Variants in KANK1 observed in about 807,000 individuals in gnomAD.
The protein encoded by KANK1 is KN motif and ankyrin repeat domains 1.
In KANK1, 109 loss-of-function variants were observed where a neutral mutation model predicts 106.2. The ratio of observed to expected loss-of-function variants is 1.03; its 90% CI spans 0.88 to 1.20. KANK1 has a LOEUF of 1.20. Ranked by LOEUF, KANK1 falls within the 50% of genes most tolerant of loss-of-function variation. The pLI is 0.00. For missense variants in KANK1, 2,399 were observed against 1,710.7 expected, an observed-to-expected ratio of 1.40 and a Z score of -7.10; for synonymous variants, 873 against 652.2, an observed-to-expected ratio of 1.34 and a Z score of -5.16.
intron 1 of KANK1, among the ~76,000 whole-genome samples, chr9:556,134 A>C (rs1450479736): frequency 6.6e-6 from 1 of 152,220 alleles, no homozygotes; most frequent in East Asian, 1.9e-4. Flanking sequence ...ATTGTAACTG[A>C]ATACAGAAGC....
At chr9:666,694 A>T (rs933047830) in intron 1 of KANK1, among the ~76,000 whole-genome samples, 1 of 152,156 alleles carries the variant, frequency 6.6e-6, no homozygotes, top group Non-Finnish European at 1.5e-5. Context: ...ACTTATTGAA[A>T]TGATCATATG....
chr9:678,498 G>A (rs1816848604), intron 2 of KANK1, among the ~76,000 whole-genome samples: 1 of 152,120 alleles, frequency 6.6e-6, no homozygotes, highest in Admixed American at 6.5e-5. Flanking sequence ...GGAGGCCGAG[G>A]GGGATGGATC....
At chr9:707,103 G>A in intron 2 of KANK1, 1 of 985,482 alleles carries the variant, frequency 1.0e-6, no homozygotes, top group Non-Finnish European at 1.2e-6. Flanking sequence ...TATGGCATCC[G>A]AGCGTGGCCG....
chr9:559,160 T>A (rs1815701388), intron 1 of KANK1, among the ~76,000 whole-genome samples: 2 of 152,232 alleles, frequency 1.3e-5, no homozygotes, highest in South Asian at 4.1e-4. Context: ...TCCCAAAGAT[T>A]TGTCACCTTC....
intron 2 of KANK1, among the ~76,000 whole-genome samples, chr9:472,712 A>G (rs768973481): frequency 1.2e-4 from 18 of 152,230 alleles, no homozygotes; most frequent in Non-Finnish European, 1.6e-4. Context: ...GGATTAGTGT[A>G]AAAGGAAATG....
At chr9:729,555 G>T (rs1013859577) in intron 3 of KANK1, among the ~76,000 whole-genome samples, 1 of 152,230 alleles carries the variant, frequency 6.6e-6, no homozygotes, top group Non-Finnish European at 1.5e-5. Flanking sequence ...CAGTAAGGAC[G>T]ACAGGAGGAG....
rs930448000 is a variant in KANK1, at chr9:547,477, A to G, written c.-84+42723A>G. The G allele has an allele frequency of 3.5e-5, 5 of 143,196 alleles. 1 individual carries two copies. Among genetic ancestry groups the G allele is most frequent in the Admixed American group, 2.8e-4 (4 of 14,344 alleles). The allele number at this position is 143,196 out of a possible 1,614,324, so 8.9% of individuals were successfully genotyped here. A position where few individuals can be genotyped will look rare whatever the true frequency, so the allele number is the denominator to read the frequency against. On this transcript the variant is annotated intron_variant, in intron 1 of 11. Transcript: ENST00000382297. ...TTTGGCACAGTGTGTGCAAGCAATG[A>G]GACTGGGTTAAAAACAGGAAGTGTC... is the stretch of plus-strand genomic sequence containing the variant.
At chr9:742,456 C>T (rs752284926) in intron 10 of KANK1, 51 bp downstream of exon 10, 29 of 1,469,062 alleles carry the variant, frequency 2.0e-5, no homozygotes, top group South Asian at 2.5e-5. Context: ...GGACTCTGGA[C>T]GGGAGCTCTG....
intron 1 of KANK1, among the ~76,000 whole-genome samples, chr9:615,615 T>C (rs1021638085): frequency 2.0e-5 from 3 of 152,244 alleles, no homozygotes; most frequent in African/African-American, 7.2e-5. Flanking sequence ...GTATATCCTT[T>C]AGGTAAAGAC....
rs61622402 is a variant in KANK1 at position 545,724 on chromosome 9, CTT to C, written c.-84+40996_-84+40997del. Among the ~76,000 whole-genome samples the C allele has an allele frequency of 5.2e-3, 529 of 102,648 alleles. 2 individuals are homozygous for C. Among genetic ancestry groups the C allele is most frequent in the East Asian group, 0.02 (66 of 3,238 alleles). The allele number at this position is 102,648 out of a possible 152,430, so 67.3% of individuals were successfully genotyped here. ...GCAGTACTGTTGGCCTGTACAGAGC[CTT>C]TTTTTTTTTTTTTTTTTTTTTTTTT... On this transcript the variant is annotated intron_variant, in intron 1 of 11. Coordinates refer to ENST00000382297, the MANE Select transcript of KANK1 (RefSeq NM_015158.5).
At chr9:581,241 A>T (rs1588004602) in intron 1 of KANK1, among the ~76,000 whole-genome samples, 1 of 152,304 alleles carries the variant, frequency 6.6e-6, no homozygotes, top group Non-Finnish European at 1.5e-5. Flanking sequence ...CGGCGGGCTG[A>T]AGGGCTCCTC....
chr9:654,814 T>TGTGA (rs921901966), intron 1 of KANK1, among the ~76,000 whole-genome samples: 6 of 80,416 alleles, frequency 7.5e-5, no homozygotes, highest in Non-Finnish European at 3.0e-4. Context: ...TGTGTGTGTG[T>TGTGA]GAGAGAGAGA....
chr9:723,685 A>T (rs1829943695), intron 3 of KANK1, among the ~76,000 whole-genome samples: 1 of 152,076 alleles, frequency 6.6e-6, no homozygotes. Flanking sequence ...TAAAAATTTT[A>T]AGTTGTATTT....
chr9:561,378 C>T (rs1401990666), intron 1 of KANK1, among the ~76,000 whole-genome samples: 1 of 152,174 alleles, frequency 6.6e-6, no homozygotes, highest in African/African-American at 2.4e-5. Flanking sequence ...TTAATGGCTA[C>T]ATAGCATCTC....
At chr9:742,083 C>T (rs886657604) in intron 9 of KANK1, 122 bp from the exon 10 acceptor site, 2 of 823,274 alleles carry the variant, frequency 2.4e-6, no homozygotes, top group African/African-American at 1.7e-5. Context: ...CAAGTAGTTC[C>T]ATCGCCAGTT....
Position 491,274 on chromosome 9 carries a change from TC to T in KANK1, c.-362+18002del, listed in dbSNP as rs758511590. On this transcript the variant is annotated intron_variant, in intron 3 of 15. Transcript: ENST00000382303. ...CCGTGCCCACTCCTGGAGTGCATTT[TC>T]TTTTTTTTTTTTAGACAGAGTCTTG... Among the ~76,000 whole-genome samples the T allele has an allele frequency of 2.6e-3, 381 of 148,974 alleles. 9 individuals are homozygous for T. The highest frequency in any genetic ancestry group is 8.7e-3 in the African/African-American group (344 of 39,624).
intron 5 of KANK1, 183 bp from the exon 6 acceptor site, chr9:732,195 A>T: frequency 1.6e-6 from 1 of 611,242 alleles, no homozygotes; most frequent in Non-Finnish European, 2.8e-6. Context: ...TAACCAGTTT[A>T]AGTTAGAGTC....
At chr9:555,584 G>T (rs2061535082) in intron 1 of KANK1, among the ~76,000 whole-genome samples, 1 of 152,212 alleles carries the variant, frequency 6.6e-6, no homozygotes, top group South Asian at 2.1e-4. Context: ...TGCTGCGTTT[G>T]TCTTCTTGCA....
chr9:512,891 A>T (rs1563694731), intron 1 of KANK1, among the ~76,000 whole-genome samples: 1 of 151,956 alleles, frequency 6.6e-6, no homozygotes, highest in Non-Finnish European at 1.5e-5. Flanking sequence ...ATATCTTATT[A>T]TTTTTGCCTT....
Sources: gnomAD v4.1 joint callset for allele counts (sites outside exome capture counted in the v4.1 genomes callset) on GRCh38, gnomAD v4.1.1 for gene constraint, MANE v1.5 for transcripts, NCBI Gene and HGNC (gene_info 2026-07-23, HGNC 2026-07-21) for gene names.